The following TRPM8 variants were observed in gnomAD, a reference collection of about 807,000 sequenced individuals.
The protein encoded by TRPM8 is TRPM8 cationic channel.
Under a neutral mutation model 133.7 loss-of-function variants are expected in TRPM8, and 110 were observed. The observed-to-expected ratio is 0.82, with a 90% CI of 0.70 to 0.96. The LOEUF (loss-of-function observed/expected upper bound fraction) is 0.96, where lower values mean the gene tolerates loss of function less well. TRPM8 is among the 40% of genes least tolerant of loss of function. The pLI is 0.00. For missense variants in TRPM8, 1,291 were observed against 1,379.5 expected, an observed-to-expected ratio of 0.94 and a Z score of 1.02; for synonymous variants, 535 against 532.3, an observed-to-expected ratio of 1.01 and a Z score of -0.07.
At chr2:233,986,122 A>G (rs547741418) in intron 21 of TRPM8, among the ~76,000 whole-genome samples, 1 of 152,372 alleles carries the variant, frequency 6.6e-6, no homozygotes, top group South Asian at 2.1e-4. Flanking sequence ...CATATTTGGC[A>G]TCCATTTAGC....
chr2:233,999,808 C>G (rs1692505561), intron 22 of TRPM8, among the ~76,000 whole-genome samples: 1 of 152,184 alleles, frequency 6.6e-6, no homozygotes, highest in African/African-American at 2.4e-5. Context: ...ATTTTCTATG[C>G]CCTGACATCT....
chr2:233,998,064 G>C (rs1283186496), intron 22 of TRPM8, among the ~76,000 whole-genome samples: 3 of 152,036 alleles, frequency 2.0e-5, no homozygotes, highest in African/African-American at 7.2e-5. Context: ...TGGAGGTTTG[G>C]ACACAAAAGA....
rs573893516 is a variant in TRPM8, at chr2:233,972,800, A to C, written c.2355+2374A>C. 3.9e-5 allele frequency among the ~76,000 whole-genome samples: 6 copies of C among 152,164 alleles called. No homozygotes were observed. The East Asian group carries it at 9.7e-4, about 25-fold the overall frequency. ...CAAGCCCACGCCCACCCGGAACTCCATCTGGCCCGCAAGCTCCACACGCAG... is the reference window on the plus strand; with the variant it reads ...CAAGCCCACGCCCACCCGGAACTCCCTCTGGCCCGCAAGCTCCACACGCAG... On this transcript the variant is annotated intron_variant, in intron 17 of 25. Coordinates refer to ENST00000324695, the MANE Select transcript of TRPM8 (RefSeq NM_024080.5).
chr2:233,930,132 C>T (rs895296489), intron 2 of TRPM8, among the ~76,000 whole-genome samples: 1 of 152,110 alleles, frequency 6.6e-6, no homozygotes, highest in Non-Finnish European at 1.5e-5. Context: ...GGAGTTTTTC[C>T]TTTGTTTCCA....
In TRPM8 at chr2:233,966,777, G is replaced by A. The variant is rs200771586; in HGVS notation, c.2025+22G>A. 2.6e-6 allele frequency: 4 copies of A among 1,510,722 alleles called. No homozygotes were observed. In the African/African-American group the frequency reaches 5.6e-5, roughly 21 times the overall value. The allele number at this position is 1,510,722 out of a possible 1,614,324, so 93.6% of individuals were successfully genotyped here. ...CCAGGTAAACCATACTCAGCCACCA[G>A]ACCACACGGCCAGAAATGGGGCTTT... On this transcript the variant is annotated intron_variant, in intron 15 of 25. Coordinates refer to ENST00000324695, the MANE Select transcript of TRPM8 (RefSeq NM_024080.5).
intron 20 of TRPM8, 41 bp downstream of exon 20, chr2:233,983,265 G>A (rs1327411494): frequency 1.9e-6 from 3 of 1,612,568 alleles, no homozygotes; most frequent in Admixed American, 1.7e-5. Context: ...CTTGGAGGAG[G>A]CATTTGCTCC....
At chr2:234,000,320 A>G (rs1200750147) in intron 22 of TRPM8, among the ~76,000 whole-genome samples, 1 of 152,084 alleles carries the variant, frequency 6.6e-6, no homozygotes, top group Non-Finnish European at 1.5e-5. Context: ...TATGTTGGCC[A>G]GGCTCGTCTT....
Position 233,985,364 on chromosome 2 carries a change from G to T in TRPM8, c.2762-324G>T, listed in dbSNP as rs189734334. Among the ~76,000 whole-genome samples, 18 of 152,298 alleles carry T rather than the reference G, an allele frequency of 1.2e-4. 1 individual carries two copies. The highest frequency in any genetic ancestry group is 1.2e-3 in the Admixed American group (18 of 15,302). ...GCGTGTCCTTCTTAGCACTTTACAT[G>T]GACTGAGACTTTAAATGTGTGTGGT... On this transcript the variant is annotated intron_variant, in intron 20 of 25. Coordinates refer to ENST00000324695, the MANE Select transcript of TRPM8 (RefSeq NM_024080.5).
chr2:233,979,517 T>C (rs10207672), intron 17 of TRPM8, among the ~76,000 whole-genome samples: 50,576 of 152,034 alleles, frequency 0.33, 8,722 homozygotes, highest in Middle Eastern at 0.41. Context: ...AGATGTGGTC[T>C]TCTCCTTTCC....
At chr2:233,940,048 G>GT (rs34052230) in intron 5 of TRPM8, among the ~76,000 whole-genome samples, 6,664 of 137,866 alleles carry the variant, frequency 0.048, 370 homozygotes, top group East Asian at 0.23. Context: ...ATTTAGCTTT[G>GT]TTTTTTTTTT....
intron 24 of TRPM8, chr2:234,013,936 T>A (rs1048282714): frequency 1.3e-5 from 2 of 152,120 alleles, no homozygotes; most frequent in African/African-American, 4.8e-5. Flanking sequence ...CTTGAGTGAG[T>A]GATAAAGCAA....
At chr2:233,986,496 T>C (rs376100366) in intron 21 of TRPM8, among the ~76,000 whole-genome samples, 16 of 152,222 alleles carry the variant, frequency 1.1e-4, no homozygotes, top group African/African-American at 2.7e-4. Context: ...TGGTTTTATA[T>C]TGTTCCTTCA....
rs1054554665 is a variant in TRPM8, at chr2:233,989,865, C to A, written c.2939+4000C>A. ...TTAAAGTCAGTAAATGACTCCAGGT[C>A]GACTTACCAGGAGCTAGGGCATTTA... On this transcript the variant is annotated intron_variant, in intron 21 of 25. Coordinates refer to ENST00000324695, the MANE Select transcript of TRPM8 (RefSeq NM_024080.5). The surrounding 1 kb of genome is among the most constrained non-coding windows in gnomAD (Gnocchi z 4.2). 5.9e-5 allele frequency among the ~76,000 whole-genome samples: 9 copies of A among 152,252 alleles called. No homozygotes were observed. The South Asian group carries it at 1.5e-3, about 25-fold the overall frequency.
rs564807047 is a variant in TRPM8, at chr2:234,000,835, C to T, written c.3130+4319C>T. 1.6e-3 allele frequency among the ~76,000 whole-genome samples: 245 copies of T among 152,282 alleles called. 1 individual carries two copies. The highest frequency in any genetic ancestry group is 5.5e-3 in the African/African-American group (229 of 41,566). ...CTGGGATTACAGGCGTGCACCACCACGCCAGGCTGGTTTTTGTATTTTTAG... is the reference window on the plus strand; with the variant it reads ...CTGGGATTACAGGCGTGCACCACCATGCCAGGCTGGTTTTTGTATTTTTAG... On this transcript the variant is annotated intron_variant, in intron 22 of 25. Coordinates refer to ENST00000324695, the MANE Select transcript of TRPM8 (RefSeq NM_024080.5).
intron 9 of TRPM8, among the ~76,000 whole-genome samples, chr2:233,951,475 C>T (rs1237776286): frequency 2.0e-5 from 3 of 152,110 alleles, no homozygotes; most frequent in African/African-American, 7.2e-5. Flanking sequence ...CCTCTTACTC[C>T]TTGTACAAGT....
In TRPM8 at chr2:233,929,994, T is replaced by C. The variant is rs889256318; in HGVS notation, c.118-674T>C. Among the ~76,000 whole-genome samples, 10 of 152,336 alleles carry C rather than the reference T, an allele frequency of 6.6e-5. 1 individual carries two copies. The highest frequency in any genetic ancestry group is 1.2e-4 in the Non-Finnish European group (8 of 68,026). ...TTACTCTTGTCTTTGGCCATTTTTT[T>C]CCCATCGGATTGTCTGTCTCATTCT... On this transcript the variant is annotated intron_variant, in intron 2 of 25. Coordinates refer to ENST00000324695, the MANE Select transcript of TRPM8 (RefSeq NM_024080.5).
At chr2:233,952,493 A>G (rs1691193152) in intron 9 of TRPM8, among the ~76,000 whole-genome samples, 1 of 151,918 alleles carries the variant, frequency 6.6e-6, no homozygotes, top group South Asian at 2.1e-4. Flanking sequence ...TGGGAACAGC[A>G]TGTGCAAAGG....
chr2:233,969,125 G>A (rs949193816), intron 15 of TRPM8, among the ~76,000 whole-genome samples: 1 of 152,070 alleles, frequency 6.6e-6, no homozygotes, highest in African/African-American at 2.4e-5. Context: ...TATTGAATTT[G>A]AACGTACACA....
In TRPM8 at chr2:234,006,836, T is replaced by G; in HGVS notation, c.3131-17T>G. The G allele has an allele frequency of 6.3e-7, 1 of 1,587,020 alleles. No homozygotes were observed. Among genetic ancestry groups the G allele is most frequent in the Non-Finnish European group, 8.6e-7 (1 of 1,157,314 alleles). On this transcript the variant is annotated splice_polypyrimidine_tract_variant and intron_variant, in intron 22 of 25. Coordinates refer to ENST00000324695, the MANE Select transcript of TRPM8 (RefSeq NM_024080.5). ...AAATGAAACAATTTGAATGTTTTCTTTTTCTCATTATTCAAGGTTTCAAAA... is the reference window on the plus strand; with the variant it reads ...AAATGAAACAATTTGAATGTTTTCTGTTTCTCATTATTCAAGGTTTCAAAA...
Sources: gnomAD v4.1 joint callset for allele counts (sites outside exome capture counted in the v4.1 genomes callset) on GRCh38, gnomAD v4.1.1 for gene constraint, Gnocchi (gnomAD v3.1) non-coding constraint, MANE v1.5 for transcripts, NCBI Gene and HGNC (gene_info 2026-07-23, HGNC 2026-07-21) for gene names.